Variants in WWOX observed in about 807,000 individuals in gnomAD.
WWOX encodes WW domain-containing oxidoreductase.
In WWOX, 69 loss-of-function variants were observed where a neutral mutation model predicts 46.2. The ratio of observed to expected loss-of-function variants is 1.49; its 90% CI spans 1.23 to 1.82. WWOX has a LOEUF of 1.82. Among genes scored for constraint, WWOX ranks in the 40% most tolerant of loss-of-function variants. The pLI is 0.00. For synonymous variants in WWOX, 359 were observed against 202.6 expected (o/e 1.77, Z -6.56); for missense variants, 919 against 542.6 (o/e 1.69, Z -6.89).
At chr16:78,790,904 A>G (rs998916755) in intron 8 of WWOX, among the ~76,000 whole-genome samples, 17 of 151,014 alleles carry the variant, frequency 1.1e-4, no homozygotes, top group Admixed American at 1.1e-3. Context: ...TTGTGGTCCC[A>G]GCTACTCAGG....
At chr16:78,409,403 T>G (rs1293758693) in intron 6 of WWOX, among the ~76,000 whole-genome samples, 2 of 152,090 alleles carry the variant, frequency 1.3e-5, no homozygotes, top group Non-Finnish European at 2.9e-5. Context: ...TGGGAACCAT[T>G]GATCTTTTTT....
Position 78,540,545 on chromosome 16 carries a change from A to G in WWOX, c.1056+107793A>G, listed in dbSNP as rs140269677. ...AGATAAACAACATGTCATTTTACCAATTGCTCATTAATGCTGATATTTCCC... is the reference window on the plus strand; with the variant it reads ...AGATAAACAACATGTCATTTTACCAGTTGCTCATTAATGCTGATATTTCCC... On this transcript the variant is annotated intron_variant, in intron 8 of 8. Coordinates refer to ENST00000566780, the MANE Select transcript of WWOX (RefSeq NM_016373.4). Among the ~76,000 whole-genome samples the G allele has an allele frequency of 9.4e-3, 1,424 of 152,282 alleles. 15 individuals carry two copies. The highest frequency in any genetic ancestry group is 0.014 in the South Asian group (67 of 4,826).
intron 5 of WWOX, among the ~76,000 whole-genome samples, chr16:78,317,753 C>T (rs536748645): frequency 1.3e-5 from 2 of 152,232 alleles, no homozygotes; most frequent in East Asian, 1.9e-4. Context: ...GGTGTCCTCA[C>T]CTTGATTTAT....
At chr16:78,921,133 T>C (rs1277659375) in intron 8 of WWOX, among the ~76,000 whole-genome samples, 1 of 152,116 alleles carries the variant, frequency 6.6e-6, no homozygotes, top group Non-Finnish European at 1.5e-5. Context: ...TTTTGAAGAA[T>C]GGCGCTCTTT....
intron 8 of WWOX, chr16:78,873,379 T>C (rs2044168558): frequency 2.0e-5 from 3 of 150,756 alleles, no homozygotes; most frequent in Non-Finnish European, 4.4e-5. Context: ...CTTATGCTGA[T>C]TTTTTTTTTC....
At chr16:78,285,270 TAA>T (rs1000930643) in intron 5 of WWOX, among the ~76,000 whole-genome samples, 1 of 151,634 alleles carries the variant, frequency 6.6e-6, no homozygotes, top group Admixed American at 6.6e-5. Context: ...CTGTCTCTAC[TAA>T]AAAAAGAGAA....
At chr16:78,634,701 G>C (rs2046521789) in intron 8 of WWOX, among the ~76,000 whole-genome samples, 1 of 121,070 alleles carries the variant, frequency 8.3e-6, no homozygotes, top group South Asian at 2.6e-4. Context: ...GCAAGACTCT[G>C]TGTTAAAAAA....
At chr16:78,786,227 C>T (rs1176571235) in intron 8 of WWOX, among the ~76,000 whole-genome samples, 1 of 152,090 alleles carries the variant, frequency 6.6e-6, no homozygotes, top group Non-Finnish European at 1.5e-5. Context: ...ATATTTTCTA[C>T]CCCACTTTCT....
chr16:79,169,934 C>T (rs767921486), intron 8 of WWOX, among the ~76,000 whole-genome samples: 10 of 152,152 alleles, frequency 6.6e-5, no homozygotes, highest in African/African-American at 9.7e-5. Context: ...GATGGCCATG[C>T]ACAGTGGCTC....
At chr16:79,103,575 A>G (rs1450039346) in intron 8 of WWOX, among the ~76,000 whole-genome samples, 2 of 152,182 alleles carry the variant, frequency 1.3e-5, no homozygotes, top group East Asian at 3.9e-4. Context: ...AATTTATTCC[A>G]TACTATCTGA....
At chr16:79,200,177 C>T (rs1420719202) in intron 8 of WWOX, among the ~76,000 whole-genome samples, 14 of 152,114 alleles carry the variant, frequency 9.2e-5, no homozygotes, top group Non-Finnish European at 1.8e-4. Flanking sequence ...CACATGACAT[C>T]CGCCAGAGGC....
At chr16:79,140,078 C>A (rs1348363644) in intron 8 of WWOX, among the ~76,000 whole-genome samples, 1 of 152,166 alleles carries the variant, frequency 6.6e-6, no homozygotes, top group Non-Finnish European at 1.5e-5. Context: ...TCACAGTGCC[C>A]CCATGGTCTC....
intron 8 of WWOX, among the ~76,000 whole-genome samples, chr16:78,547,950 G>A (rs997006135): frequency 5.3e-5 from 8 of 151,922 alleles, no homozygotes; most frequent in African/African-American, 1.9e-4. Flanking sequence ...TCAGGAGTTC[G>A]AGACCAGCCT....
chr16:79,061,689 A>G (rs1038885747), intron 8 of WWOX, among the ~76,000 whole-genome samples: 14 of 152,240 alleles, frequency 9.2e-5, no homozygotes, highest in Non-Finnish European at 1.8e-4. Context: ...TTATAGCTGC[A>G]CTGAAAACAA....
At chr16:78,561,271 T>C (rs903436452) in intron 8 of WWOX, among the ~76,000 whole-genome samples, 1 of 152,208 alleles carries the variant, frequency 6.6e-6, no homozygotes, top group African/African-American at 2.4e-5. Context: ...TCTCTGACTT[T>C]CCTTGACTTT....
chr16:78,458,283 C>G (rs903721769), intron 8 of WWOX, among the ~76,000 whole-genome samples: 1 of 127,636 alleles, frequency 7.8e-6, no homozygotes, highest in African/African-American at 2.9e-5. Context: ...TTTTTTGATA[C>G]AGGGTCTTAC....
chr16:78,429,029 C>T (rs571535936), intron 7 of WWOX, among the ~76,000 whole-genome samples: 1 of 152,296 alleles, frequency 6.6e-6, no homozygotes, highest in East Asian at 1.9e-4. Flanking sequence ...AGGACTTGGT[C>T]CTTGGATTGG....
chr16:79,184,291 C>G (rs1018764427), intron 8 of WWOX, among the ~76,000 whole-genome samples: 1 of 152,154 alleles, frequency 6.6e-6, no homozygotes, highest in Non-Finnish European at 1.5e-5. Context: ...TTTCTTTGCA[C>G]AAAGAGCCTA....
At chr16:78,892,850 G>A (rs1283125204) in intron 8 of WWOX, among the ~76,000 whole-genome samples, 1 of 152,196 alleles carries the variant, frequency 6.6e-6, no homozygotes, top group East Asian at 1.9e-4. Flanking sequence ...AAGGAACTCT[G>A]CTGTTTGAGC....
Sources: allele counts gnomAD v4.1 joint callset (sites outside exome capture counted in the v4.1 genomes callset), GRCh38; gene constraint gnomAD v4.1.1; transcripts MANE v1.5; gene names NCBI Gene and HGNC (gene_info 2026-07-23, HGNC 2026-07-21).